Variants in SPAG1 observed in about 807,000 individuals in gnomAD.
The protein encoded by SPAG1 is sperm associated antigen 1.
A neutral mutation model predicts 100.5 loss-of-function variants in SPAG1; 69 were observed. The ratio of observed to expected loss-of-function variants is 0.69; its 90% CI spans 0.57 to 0.84. The LOEUF (loss-of-function observed/expected upper bound fraction) is 0.84, where lower values mean the gene tolerates loss of function less well. SPAG1 is among the 40% of genes least tolerant of loss of function. The pLI is 0.00. For synonymous variants in SPAG1, 336 were observed against 411.6 expected, an observed-to-expected ratio of 0.82 and a Z score of 2.22; for missense variants, 955 against 1,133.1, an observed-to-expected ratio of 0.84 and a Z score of 2.26.
chr8:100,236,843 C>T (rs1387379933), intron 16 of SPAG1, among the ~76,000 whole-genome samples: 1 of 152,086 alleles, frequency 6.6e-6, no homozygotes, highest in African/African-American at 2.4e-5. Context: ...CTGCAAGATC[C>T]ACCCAAAAGA....
At chr8:100,238,488 A>C (rs182263953) in intron 16 of SPAG1, among the ~76,000 whole-genome samples, 1 of 152,292 alleles carries the variant, frequency 6.6e-6, no homozygotes, top group East Asian at 1.9e-4. Context: ...GCCTCTTCAC[A>C]GTTTGGTTTA....
intron 3 of SPAG1, among the ~76,000 whole-genome samples, chr8:100,169,536 C>G (rs1233145746): frequency 6.6e-6 from 1 of 152,168 alleles, no homozygotes; most frequent in African/African-American, 2.4e-5. Flanking sequence ...GTCGGGAGTT[C>G]AAGACCAGAC....
chr8:100,176,915 CCCT>C (rs1366434481), intron 3 of SPAG1, among the ~76,000 whole-genome samples: 2 of 130,388 alleles, frequency 1.5e-5, no homozygotes, highest in South Asian at 2.9e-4. Context: ...CTCTCCTTTT[CCCT>C]CCTCCTTTCC....
intron 14 of SPAG1, among the ~76,000 whole-genome samples, chr8:100,228,455 G>A (rs1341898188): frequency 6.7e-6 from 1 of 150,268 alleles, no homozygotes; most frequent in Non-Finnish European, 1.5e-5. Context: ...GCTCACACCT[G>A]TAATCCCAGC....
At chr8:100,160,157 T>A (rs1294095033) in intron 1 of SPAG1, among the ~76,000 whole-genome samples, 4 of 152,228 alleles carry the variant, frequency 2.6e-5, no homozygotes, top group Non-Finnish European at 5.9e-5. Flanking sequence ...ATCTTTAAAG[T>A]GATGTTCTCC....
At chr8:100,231,646 C>T (rs2132422712) in intron 15 of SPAG1, among the ~76,000 whole-genome samples, 1 of 152,276 alleles carries the variant, frequency 6.6e-6, no homozygotes, top group Non-Finnish European at 1.5e-5. Flanking sequence ...GTGGGAGGAG[C>T]AGGAATCAAT....
intron 13 of SPAG1, among the ~76,000 whole-genome samples, chr8:100,224,528 T>C (rs78494893): frequency 0.048 from 7,278 of 151,942 alleles, 513 homozygotes; most frequent in African/African-American, 0.15. Context: ...GGCGACAGAG[T>C]GAGACTCCAT....
chr8:100,219,159 CTCTG>C (rs1818146559), intron 12 of SPAG1, among the ~76,000 whole-genome samples: 2 of 152,222 alleles, frequency 1.3e-5, no homozygotes, highest in African/African-American at 4.8e-5. Flanking sequence ...ATAGCAGATA[CTCTG>C]TCAATGTTTC....
Position 100,231,245 on chromosome 8 carries a change from T to C in SPAG1, c.1945T>C (p.Cys649Arg). ...YKDALSKYSECLKINNKECAI... is the reference protein window; with the variant it reads ...YKDALSKYSERLKINNKECAI... ...AGACGCCCTCAGTAAATACAGCGAA[T>C]GCTTAAAGATTAACAATAAGGAATG... Residue 649 changes from cysteine (C) to arginine (R), a missense_variant, in exon 15 of 19, where the codon TGC (cysteine) becomes CGC (arginine). Coordinates refer to ENST00000388798, the MANE Select transcript of SPAG1 (RefSeq NM_003114.5). 1 of 1,604,284 alleles carries C rather than the reference T, an allele frequency of 6.2e-7. No individual in the cohort carries two copies. The highest frequency in any genetic ancestry group is 8.5e-7 in the Non-Finnish European group (1 of 1,173,466).
At chr8:100,203,258 C>T (rs1204257846) in intron 10 of SPAG1, among the ~76,000 whole-genome samples, 1 of 152,122 alleles carries the variant, frequency 6.6e-6, no homozygotes, top group East Asian at 1.9e-4. Context: ...ACTAGCTCTC[C>T]TTGCTCCTCA....
chr8:100,192,434 C>G (rs929819196), intron 9 of SPAG1, among the ~76,000 whole-genome samples: 1 of 152,222 alleles, frequency 6.6e-6, no homozygotes, highest in Non-Finnish European at 1.5e-5. Flanking sequence ...AGCCAACACA[C>G]CTGCCCTCTC....
At chr8:100,193,308 A>G (rs1816890365) in intron 9 of SPAG1, among the ~76,000 whole-genome samples, 1 of 152,084 alleles carries the variant, frequency 6.6e-6, no homozygotes, top group Non-Finnish European at 1.5e-5. Context: ...AAAAATTTAA[A>G]AAGTTAGCCA....
Position 100,213,481 on chromosome 8 carries a change from C to T in SPAG1, c.1435+53C>T, listed in dbSNP as rs1231492076. On this transcript the variant is annotated intron_variant, in intron 11 of 18. Transcript: ENST00000388798. Reference sequence around the variant, plus strand: ...TGGGCCCCTCGCGCTGCGGTTCACCCGACCTCCGGGGCCCCCGTGGGAGAG... The same window carrying T: ...TGGGCCCCTCGCGCTGCGGTTCACCTGACCTCCGGGGCCCCCGTGGGAGAG... 2.3e-6 allele frequency: 3 copies of T among 1,314,104 alleles called. No homozygotes were observed. The East Asian group carries it at 9.3e-5, about 41-fold the overall frequency. 81.4% of individuals were successfully genotyped at this position (1,314,104 alleles called of 1,614,324 possible).
intron 3 of SPAG1, among the ~76,000 whole-genome samples, chr8:100,175,422 C>CT (rs1174846590): frequency 4.0e-5 from 6 of 151,568 alleles, no homozygotes; most frequent in Admixed American, 3.3e-4. Flanking sequence ...GTAGCTGGGA[C>CT]TACAGGCGCC....
chr8:100,205,693 T>C (rs919473245), intron 10 of SPAG1, among the ~76,000 whole-genome samples: 7 of 151,936 alleles, frequency 4.6e-5, no homozygotes, highest in South Asian at 2.1e-4. Flanking sequence ...CTGCAGAGAT[T>C]AGTGCCACCA....
chr8:100,167,666 T>C (rs762053614), intron 3 of SPAG1, among the ~76,000 whole-genome samples: 2 of 152,234 alleles, frequency 1.3e-5, no homozygotes, highest in South Asian at 2.1e-4. Context: ...CTTAAATATT[T>C]ACAGATTTCT....
chr8:100,189,120 T>C (rs1381867497), intron 8 of SPAG1, among the ~76,000 whole-genome samples: 1 of 150,046 alleles, frequency 6.7e-6, no homozygotes. Flanking sequence ...TCACCTGAGG[T>C]TAGGAGTTCG....
chr8:100,158,289 C>T (rs1815149870), upstream of SPAG1: 4 of 152,270 alleles, frequency 2.6e-5, no homozygotes. Context: ...ACACGCGGGG[C>T]TTTCCAGGCC....
chr8:100,213,015 C>T lies in SPAG1; in HGVS notation c.1097-75C>T, dbSNP rs1211685617. 2.5e-6 allele frequency: 3 copies of T among 1,220,998 alleles called. No individual in the cohort carries two copies. In the East Asian group the frequency reaches 1.0e-4, roughly 41 times the overall value. The allele number at this position is 1,220,998 out of a possible 1,614,324, so 75.6% of individuals were successfully genotyped here. On this transcript the variant is annotated intron_variant, in intron 10 of 18. Coordinates refer to ENST00000388798, the MANE Select transcript of SPAG1 (RefSeq NM_003114.5). Reference sequence around the variant, plus strand: ...GCCCGCCCTCCGCGTCCTGCACCCCCGCGGCCTCCGCGGCCTCCGCGGCAA... The same window carrying T: ...GCCCGCCCTCCGCGTCCTGCACCCCTGCGGCCTCCGCGGCCTCCGCGGCAA...
Sources: gnomAD v4.1 joint callset for allele counts (sites outside exome capture counted in the v4.1 genomes callset) on GRCh38, gnomAD v4.1.1 for gene constraint, MANE v1.5 for transcripts, NCBI Gene and HGNC (gene_info 2026-07-23, HGNC 2026-07-21) for gene names.